Variants in DNAJC13 observed in about 807,000 individuals in gnomAD.
DNAJC13 encodes the protein DnaJ heat shock protein family (Hsp40) member C13.
Under a neutral mutation model 290.5 loss-of-function variants are expected in DNAJC13, and 75 were observed. The observed-to-expected ratio is 0.26, with a 90% CI of 0.21 to 0.31. DNAJC13 has a LOEUF of 0.31. Ranked by LOEUF, DNAJC13 falls within the 10% of genes least tolerant of loss-of-function variation. DNAJC13 has a pLI of 1.00. For missense variants in DNAJC13, 2,260 were observed against 2,674.5 expected (o/e 0.85, Z 3.42); for synonymous variants, 862 against 892.0 (o/e 0.97, Z 0.60).
At chr3:132,477,327 A>G (rs1023281333) in intron 22 of DNAJC13, among the ~76,000 whole-genome samples, 3 of 152,324 alleles carry the variant, frequency 2.0e-5, no homozygotes, top group Non-Finnish European at 4.4e-5. Flanking sequence ...TATCACCTCA[A>G]TGTAGTAACA....
intron 47 of DNAJC13, 30 bp from the exon 48 acceptor site, chr3:132,516,674 A>T: frequency 6.3e-7 from 1 of 1,578,180 alleles, no homozygotes; most frequent in Non-Finnish European, 8.6e-7. Context: ...CAAATTCTTT[A>T]TAAGCACTAA....
At chr3:132,529,781 T>A (rs1425777408) in intron 54 of DNAJC13, among the ~76,000 whole-genome samples, 2 of 134,044 alleles carry the variant, frequency 1.5e-5, no homozygotes, top group African/African-American at 5.8e-5. Context: ...AGCGAGACTC[T>A]GTCTCAAAAA....
intron 34 of DNAJC13, 118 bp downstream of exon 34, chr3:132,494,377 C>T: frequency 1.3e-6 from 1 of 781,548 alleles, no homozygotes; most frequent in Middle Eastern, 2.2e-4. Context: ...TTGATATATA[C>T]ACCTTGGGAA....
At chr3:132,473,355 A>G in intron 21 of DNAJC13, 128 bp downstream of exon 21, 1 of 638,344 alleles carries the variant, frequency 1.6e-6, no homozygotes, top group Non-Finnish European at 2.7e-6. Context: ...CAAGTTCAGG[A>G]ACTATAACTG....
intron 29 of DNAJC13, among the ~76,000 whole-genome samples, chr3:132,486,448 T>G (rs562458218): frequency 6.6e-6 from 1 of 152,262 alleles, no homozygotes; most frequent in East Asian, 1.9e-4. Context: ...TAAAAAACTT[T>G]TAAGAAATGT....
rs1936320363 is a variant in DNAJC13, at chr3:132,528,308, T to C, written c.6501T>C (p.Thr2167=). ...AQIVKALKAM[T]RSLQYGEQVN... is the part of the protein sequence containing the mutation. Reference sequence around the variant, plus strand: ...TTGTTAAAGCTCTCAAGGCAATGACTCGAAGTTTGCAGTATGGAGAACAGG... The same window carrying C: ...TTGTTAAAGCTCTCAAGGCAATGACCCGAAGTTTGCAGTATGGAGAACAGG... Residue 2167 remains threonine, a synonymous_variant, in exon 54 of 56, where the codon ACT becomes ACC. Transcript: ENST00000260818. The C allele has an allele frequency of 6.2e-7, 1 of 1,614,038 alleles. No individual in the cohort carries two copies. The highest frequency in any genetic ancestry group is 1.3e-5 in the African/African-American group (1 of 74,914).
At chr3:132,533,176 T>C (rs1936475486) in intron 55 of DNAJC13, among the ~76,000 whole-genome samples, 1 of 149,638 alleles carries the variant, frequency 6.7e-6, no homozygotes, top group African/African-American at 2.5e-5. Flanking sequence ...CTGCCTCAGC[T>C]TCCCAAGTAC....
At chr3:132,478,219 TTC>T in intron 24 of DNAJC13, 79 bp downstream of exon 24, 1 of 1,267,328 alleles carries the variant, frequency 7.9e-7, no homozygotes. Flanking sequence ...TAAATTTAAA[TTC>T]TGTTTGATCA....
At chr3:132,471,694 T>C (rs375399899) in intron 20 of DNAJC13, among the ~76,000 whole-genome samples, 1 of 106,660 alleles carries the variant, frequency 9.4e-6, no homozygotes, top group African/African-American at 3.7e-5. Context: ...TGATGGCGGC[T>C]GGGAAGAGGC....
At chr3:132,499,104 C>T (rs1426256972) in intron 36 of DNAJC13, 22 bp from the exon 37 acceptor site, 1 of 1,539,128 alleles carries the variant, frequency 6.5e-7, no homozygotes, top group Non-Finnish European at 8.8e-7. Context: ...GTTTTTCTAA[C>T]ACTAACCATT....
chr3:132,469,211 T>C (rs1476849061), intron 20 of DNAJC13, among the ~76,000 whole-genome samples: 2 of 152,234 alleles, frequency 1.3e-5, no homozygotes, highest in Admixed American at 6.5e-5. Context: ...AAATAATCTT[T>C]GTGACTATTT....
At chr3:132,422,187 A>C (rs931163623) in intron 1 of DNAJC13, among the ~76,000 whole-genome samples, 2 of 151,458 alleles carry the variant, frequency 1.3e-5, no homozygotes, top group African/African-American at 4.9e-5. Flanking sequence ...CGCCATGCCC[A>C]GCTAACTTTT....
chr3:132,494,502 G>A (rs763501944), intron 34 of DNAJC13, among the ~76,000 whole-genome samples: 5 of 152,136 alleles, frequency 3.3e-5, no homozygotes, highest in Non-Finnish European at 5.9e-5. Context: ...AAAAATGTAT[G>A]CAGAGTATCT....
chr3:132,466,147 G>T, intron 18 of DNAJC13, 77 bp downstream of exon 18: 1 of 1,437,798 alleles, frequency 7.0e-7, no homozygotes, highest in South Asian at 1.2e-5. Context: ...TGTTAAAAGG[G>T]GATGGTTTGT....
At position 132,475,102 on chromosome 3, in the gene DNAJC13, C is replaced by A; in HGVS notation, c.2445+17C>A. 1.3e-6 allele frequency: 2 copies of A among 1,556,746 alleles called. No individual in the cohort carries two copies. Among genetic ancestry groups the A allele is most frequent in the Non-Finnish European group, 1.7e-6 (2 of 1,153,198 alleles). ...GAGTTTGAGGTAAAGTTTGATTTTTCCAGTATATTAATCTTAAAAAATAAA... is the reference window on the plus strand; with the variant it reads ...GAGTTTGAGGTAAAGTTTGATTTTTACAGTATATTAATCTTAAAAAATAAA... On this transcript the variant is annotated intron_variant, in intron 22 of 55. Coordinates refer to ENST00000260818, the MANE Select transcript of DNAJC13 (RefSeq NM_015268.4).
intron 1 of DNAJC13, among the ~76,000 whole-genome samples, chr3:132,424,052 T>C (rs1276852282): frequency 2.6e-5 from 4 of 152,258 alleles, no homozygotes; most frequent in African/African-American, 4.8e-5. Context: ...CAGGTTATGC[T>C]TCAAAGATAA....
At chr3:132,492,785 C>T (rs941301812) in intron 33 of DNAJC13, among the ~76,000 whole-genome samples, 170 bp downstream of exon 33, 4 of 152,006 alleles carry the variant, frequency 2.6e-5, no homozygotes, top group Admixed American at 6.6e-5. Context: ...TTGGGTAGAT[C>T]TCACACTGAA....
rs10935014 is a variant in DNAJC13, at chr3:132,523,636, G to A, written c.5983G>A (p.Val1995Ile). The A allele has an allele frequency of 2.6e-5, 42 of 1,614,090 alleles. No homozygotes were observed. The highest frequency in any genetic ancestry group is 1.8e-4 in the Admixed American group (11 of 60,020). ...GATCTTTATTGCACAACCAGCCTGGGTTCTAAGAAAGCCTAGAGAATTTCT... is the reference window on the plus strand; with the variant it reads ...GATCTTTATTGCACAACCAGCCTGGATTCTAAGAAAGCCTAGAGAATTTCT... ...LRIFIAQPAWVLRKPREFLIA... is the reference protein window; with the variant it reads ...LRIFIAQPAWILRKPREFLIA... Residue 1995 changes from valine to isoleucine, a missense_variant, in exon 51 of 56, where the codon GTT becomes ATT. Physicochemically the swap from Val to Ile is conservative, Grantham distance 29. Around this residue, in one of 3 missense-constraint regions of DNAJC13, gnomAD observed 1,494 missense variants for 1,693.7 expected, o/e 0.88. Transcript: ENST00000260818.
At chr3:132,510,413 G>A (rs868780484) in intron 43 of DNAJC13, among the ~76,000 whole-genome samples, 29 of 152,072 alleles carry the variant, frequency 1.9e-4, no homozygotes, top group South Asian at 1.2e-3. Flanking sequence ...ATTTAAAGAC[G>A]GGTCTCACTG....
Sources: gnomAD v4.1 joint callset for allele counts (sites outside exome capture counted in the v4.1 genomes callset) on GRCh38, gnomAD v4.1.1 for gene constraint, gnomAD v4.1.1 regional missense constraint, MANE v1.5 for transcripts, NCBI Gene and HGNC (gene_info 2026-07-23, HGNC 2026-07-21) for gene names.